Variants in TAB2 observed in about 807,000 individuals in gnomAD.
TAB2 encodes TGF-beta activated kinase 1 (MAP3K7) binding protein 2.
In TAB2, 3 loss-of-function variants were observed where a neutral mutation model predicts 65.0. The observed-to-expected ratio is 0.05, with a 90% CI of 0.02 to 0.12. The LOEUF (loss-of-function observed/expected upper bound fraction) is 0.12, where lower values mean the gene tolerates loss of function less well. TAB2 is among the 10% of genes least tolerant of loss of function. TAB2 has a pLI of 1.00. For missense variants in TAB2, 623 were observed against 840.3 expected, an observed-to-expected ratio of 0.74 and a Z score of 3.20; for synonymous variants, 298 against 285.1, an observed-to-expected ratio of 1.05 and a Z score of -0.46.
chr6:149,280,490 AT>A (rs1778554221), intron 1 of TAB2, among the ~76,000 whole-genome samples: 1 of 152,202 alleles, frequency 6.6e-6, no homozygotes, highest in Non-Finnish European at 1.5e-5. Flanking sequence ...CTCAAATAGA[AT>A]AACGCTGAGC....
intron 1 of TAB2, among the ~76,000 whole-genome samples, chr6:149,242,124 T>A (rs1777610844): frequency 6.6e-6 from 1 of 152,204 alleles, no homozygotes; most frequent in Non-Finnish European, 1.5e-5. Context: ...TTCCTGCCTA[T>A]CCCACATATG....
intron 3 of TAB2, chr6:149,380,017 A>C: frequency 2.2e-6 from 1 of 446,530 alleles, no homozygotes; most frequent in South Asian, 1.6e-5. Flanking sequence ...AGATGGGAGG[A>C]TCATTTGAGC....
chr6:149,318,835 T>G (rs549763210), intron 1 of TAB2: 1 of 152,386 alleles, frequency 6.6e-6, no homozygotes, highest in Non-Finnish European at 1.5e-5. Flanking sequence ...ATAGTATATT[T>G]GAGATGTTAG....
intron 1 of TAB2, among the ~76,000 whole-genome samples, chr6:149,288,344 T>C (rs1643504679): frequency 6.6e-6 from 1 of 152,188 alleles, no homozygotes; most frequent in Non-Finnish European, 1.5e-5. Context: ...ACTATGGGCC[T>C]CCTGCCCCAT....
chr6:149,296,699 T>G (rs1270974326), intron 1 of TAB2, among the ~76,000 whole-genome samples: 1 of 152,196 alleles, frequency 6.6e-6, no homozygotes, highest in African/African-American at 2.4e-5. Flanking sequence ...TTGAGAATAT[T>G]GTAGGTCAGG....
At chr6:149,387,396 C>G (rs909897734) in intron 3 of TAB2, among the ~76,000 whole-genome samples, 5 of 152,106 alleles carry the variant, frequency 3.3e-5, no homozygotes, top group Non-Finnish European at 5.9e-5. Flanking sequence ...ATTTTGGCAC[C>G]CCTGTAAAAA....
chr6:149,322,119 G>A (rs1057458557), intron 1 of TAB2, among the ~76,000 whole-genome samples: 1 of 152,080 alleles, frequency 6.6e-6, no homozygotes, highest in African/African-American at 2.4e-5. Context: ...TATTTATTGA[G>A]CACTTATTAT....
At chr6:149,357,067 G>A (rs570632117) in intron 1 of TAB2, among the ~76,000 whole-genome samples, 78 of 152,148 alleles carry the variant, frequency 5.1e-4, no homozygotes, top group Non-Finnish European at 9.7e-4. Flanking sequence ...AAATAACCAC[G>A]TCTTTATTAT....
At chr6:149,377,961 A>G (rs1781459394) in intron 2 of TAB2, 57 bp from the exon 3 acceptor site, 7 of 1,354,300 alleles carry the variant, frequency 5.2e-6, no homozygotes, top group Non-Finnish European at 7.3e-6. Context: ...GTAGAGATGC[A>G]AATATAAGCA....
chr6:149,310,970 C>T (rs920833950), intron 1 of TAB2, among the ~76,000 whole-genome samples: 2 of 152,122 alleles, frequency 1.3e-5, no homozygotes, highest in African/African-American at 4.8e-5. Flanking sequence ...AGTGTGTTTG[C>T]GTTCCCCATA....
intron 1 of TAB2, among the ~76,000 whole-genome samples, chr6:149,221,508 A>C (rs1420654606): frequency 6.6e-6 from 1 of 152,048 alleles, no homozygotes; most frequent in Non-Finnish European, 1.5e-5. Flanking sequence ...AATAGTTTTG[A>C]CCTCATGGCT....
chr6:149,379,337 T>A lies in TAB2; in HGVS notation c.1422T>A (p.Pro474=), dbSNP rs1287368021. Residue 474 remains proline, a synonymous_variant, in exon 3 of 7, where the codon CCT becomes CCA. Coordinates refer to ENST00000637181, the MANE Select transcript of TAB2 (RefSeq NM_001292034.3). Reference sequence around the variant, plus strand: ...TTACAGTCTCTCCCAATAAGCCCCCTGCAGTTTCACCAGGGGTGGTGTCCC... The same window carrying A: ...TTACAGTCTCTCCCAATAAGCCCCCAGCAGTTTCACCAGGGGTGGTGTCCC... The part of the protein sequence containing the change: ...FKITVSPNKP[P]AVSPGVVSPT... 6.2e-7 allele frequency: 1 copy of A among 1,614,214 alleles called. No individual in the cohort carries two copies. Among genetic ancestry groups the A allele is most frequent in the East Asian group, 2.2e-5 (1 of 44,886 alleles).
chr6:149,289,983 G>A (rs1778747440), intron 1 of TAB2, among the ~76,000 whole-genome samples: 1 of 152,158 alleles, frequency 6.6e-6, no homozygotes, highest in Non-Finnish European at 1.5e-5. Flanking sequence ...TCAAGAGAAA[G>A]GAATGTCTGG....
chr6:149,352,342 A>G (rs1780518508), intron 1 of TAB2, among the ~76,000 whole-genome samples: 1 of 152,164 alleles, frequency 6.6e-6, no homozygotes, highest in Non-Finnish European at 1.5e-5. Context: ...TCTTAAATAT[A>G]TAGTAGCTGC....
chr6:149,242,835 G>T (rs959110655), intron 1 of TAB2, among the ~76,000 whole-genome samples: 6 of 152,128 alleles, frequency 3.9e-5, no homozygotes, highest in Non-Finnish European at 8.8e-5. Flanking sequence ...CCAGCCCCTG[G>T]TCACACCACG....
intron 1 of TAB2, among the ~76,000 whole-genome samples, chr6:149,275,132 T>TG (rs1778432513): frequency 2.5e-5 from 3 of 120,744 alleles, no homozygotes; most frequent in South Asian, 5.3e-4. Context: ...TCTGTTTTTT[T>TG]TTTTTTTTTT....
intron 3 of TAB2, among the ~76,000 whole-genome samples, chr6:149,394,317 C>CT (rs975880522): frequency 1.6e-4 from 24 of 151,810 alleles, no homozygotes; most frequent in Middle Eastern, 3.2e-3. Context: ...AATTGTGAAT[C>CT]TTTTTTTTGC....
In TAB2 at chr6:149,255,655, A is replaced by G. The variant is rs541390201; in HGVS notation, c.-121+36879A>G. 7.2e-5 allele frequency among the ~76,000 whole-genome samples: 11 copies of G among 152,340 alleles called. No homozygotes were observed. In the South Asian group the frequency reaches 1.4e-3, roughly 20 times the overall value. On this transcript the variant is annotated intron_variant, in intron 1 of 1. Transcript: ENST00000606202. ...CTTTGATAAATCTAATAAATCTGGA[A>G]GTGTTTGTATTCTAGATTGATTAGC...
intron 1 of TAB2, among the ~76,000 whole-genome samples, chr6:149,264,923 C>A (rs1194302647): frequency 1.3e-5 from 2 of 152,214 alleles, no homozygotes; most frequent in Admixed American, 1.3e-4. Context: ...CGTGTGGCCA[C>A]GTTTCCAGGG....
Sources: allele counts gnomAD v4.1 joint callset (sites outside exome capture counted in the v4.1 genomes callset), GRCh38; gene constraint gnomAD v4.1.1; transcripts MANE v1.5; gene names NCBI Gene and HGNC (gene_info 2026-07-23, HGNC 2026-07-21).